Variants in SLU7 observed in about 807,000 individuals in gnomAD.
SLU7 encodes pre-mRNA-splicing factor SLU7.
In SLU7, 60 loss-of-function variants were observed where a neutral mutation model predicts 87.0. The observed-to-expected ratio is 0.69, with a 90% CI of 0.56 to 0.86. The LOEUF (loss-of-function observed/expected upper bound fraction) is 0.86, where lower values mean the gene tolerates loss of function less well. Ranked by LOEUF, SLU7 falls within the 40% of genes least tolerant of loss-of-function variation. SLU7 has a pLI of 0.00. For synonymous variants in SLU7, 197 were observed against 222.0 expected, an observed-to-expected ratio of 0.89 and a Z score of 1.00; for missense variants, 507 against 686.6, an observed-to-expected ratio of 0.74 and a Z score of 2.92.
intron 6 of SLU7, among the ~76,000 whole-genome samples, chr5:160,412,026 C>T (rs1765258682): frequency 6.6e-6 from 1 of 152,134 alleles, no homozygotes; most frequent in South Asian, 2.1e-4. Flanking sequence ...TTAATGAAGT[C>T]TTGAGAAATG....
intron 7 of SLU7, 41 bp from the exon 8 acceptor site, chr5:160,408,501 G>C: frequency 1.3e-6 from 2 of 1,569,892 alleles, no homozygotes; most frequent in South Asian, 2.4e-5. Flanking sequence ...AGAAAAGAAA[G>C]CAGCATGTAG....
In SLU7 at chr5:160,409,622, G is replaced by C. The variant is rs73316307; in HGVS notation, c.640-925C>G. On this transcript the variant is annotated intron_variant, in intron 6 of 15. Transcript: ENST00000297151. ...ATGTCAATTATATAAAGATGTATAA[G>C]AATGTGATGTGCAGTGTTGTATATG... Among the ~76,000 whole-genome samples the C allele has an allele frequency of 2.4e-3, 369 of 152,264 alleles. 3 individuals are homozygous for C. Among genetic ancestry groups the C allele is most frequent in the African/African-American group, 8.5e-3 (355 of 41,556 alleles).
chr5:160,414,394 T>G lies in SLU7; in HGVS notation c.249A>C (p.Lys83Asn). The change falls in exon 3 of 16, where the codon AAA becomes AAC. Residue 83 changes from lysine (K) to asparagine (N), a missense_variant. Physicochemically the swap from Lys to Asn is moderately conservative, Grantham distance 94 (BLOSUM62 0). Coordinates refer to ENST00000297151, the MANE Select transcript of SLU7 (RefSeq NM_006425.5). ...GTTTTTCTGGTTGTGGTCTCTGGTG[T>G]TTTAAAGTAGGTCTTTTTGAAGGAT... is the stretch of plus-strand genomic sequence containing the variant. ...YIDPSKRPTLKHQRPQPEKQK... is the reference protein window; with the variant it reads ...YIDPSKRPTLNHQRPQPEKQK... 1 of 1,612,202 alleles carries G rather than the reference T, an allele frequency of 6.2e-7. No individual in the cohort carries two copies. Among genetic ancestry groups the G allele is most frequent in the Admixed American group, 1.7e-5 (1 of 59,886 alleles).
chr5:160,412,187 C>A (rs946839276), intron 6 of SLU7, among the ~76,000 whole-genome samples: 5 of 152,030 alleles, frequency 3.3e-5, no homozygotes, highest in Non-Finnish European at 7.4e-5. Context: ...CTAGAAAATT[C>A]TTTAGGATGG....
Position 160,413,520 on chromosome 5 carries a change from C to G in SLU7, c.506G>C (p.Arg169Pro). The change falls in exon 5 of 16, where the codon CGG becomes CCG. Residue 169 changes from arginine (R) to proline (P), a missense_variant. Coordinates refer to ENST00000297151, the MANE Select transcript of SLU7 (RefSeq NM_006425.5). ...LMFDYDGKRD[R>P]WNGYNPEEHM... is the part of the protein sequence containing the mutation. ...TTCTTCTGGATTGTAGCCATTCCAC[C>G]GATCCCTCTTCCCATCATAGTCAAA... 6.2e-7 allele frequency: 1 copy of G among 1,613,952 alleles called. No individual in the cohort carries two copies. Among genetic ancestry groups the G allele is most frequent in the Non-Finnish European group, 8.5e-7 (1 of 1,179,892 alleles).
chr5:160,403,559 A>C, intron 15 of SLU7, 95 bp from the exon 16 acceptor site: 2 of 1,089,344 alleles, frequency 1.8e-6, no homozygotes, highest in East Asian at 5.3e-5. Context: ...CTGAATATGA[A>C]CTGCTCTATC....
rs1450298077 is a variant in SLU7, at chr5:160,413,615, A to G, written c.411T>C (p.Pro137=). Reference sequence around the variant, plus strand: ...CTGTAAATTTGGCTCCAACTCGCCTAGGTCTCTAAAAACAGAGTAAGATTT... The same window carrying G: ...CTGTAAATTTGGCTCCAACTCGCCTGGGTCTCTAAAAACAGAGTAAGATTT... The part of the protein sequence containing the change: ...THKKKDCFER[P]RRVGAKFTGT... Residue 137 remains proline (P), a synonymous_variant, in exon 5 of 16, where the codon CCT becomes CCC. Coordinates refer to ENST00000297151, the MANE Select transcript of SLU7 (RefSeq NM_006425.5). The G allele has an allele frequency of 1.9e-6, 3 of 1,609,190 alleles. No homozygotes were observed. The highest frequency in any genetic ancestry group is 1.7e-5 in the Admixed American group (1 of 58,714).
At chr5:160,406,347 A>C in intron 12 of SLU7, 121 bp downstream of exon 12, 1 of 751,316 alleles carries the variant, frequency 1.3e-6, no homozygotes, top group African/African-American at 2.1e-5. Flanking sequence ...AAACAGTTAA[A>C]ATTTTTTTTT....
rs760036952 is a variant in SLU7 at position 160,415,329 on chromosome 5, C to T, written c.-16-19G>A. 3 of 1,521,370 alleles carry T rather than the reference C, an allele frequency of 2.0e-6. No homozygotes were observed. Among genetic ancestry groups the T allele is most frequent in the Non-Finnish European group, 2.6e-6 (3 of 1,138,530 alleles). The allele number at this position is 1,521,370 out of a possible 1,614,324, so 94.2% of individuals were successfully genotyped here. A position where few individuals can be genotyped will look rare whatever the true frequency, so the allele number is the denominator to read the frequency against. ...GCCTCCTCTAGGAAAAGAAGTGAAACTTACAGTAAAAAGTAGGCCTTCATG... is the reference window on the plus strand; with the variant it reads ...GCCTCCTCTAGGAAAAGAAGTGAAATTTACAGTAAAAAGTAGGCCTTCATG... On this transcript the variant is annotated intron_variant, in intron 1 of 15. Coordinates refer to ENST00000297151, the MANE Select transcript of SLU7 (RefSeq NM_006425.5).
rs1369911708 is a variant in SLU7, at chr5:160,401,793, A to G, written c.*1492T>C. On this transcript the variant is annotated 3_prime_UTR_variant, in exon 16 of 16. Transcript: ENST00000297151. ...GTAAATAGGAATTAAATCTATTTGC[A>G]TTGCTGTTTAATTTCATACCAATCT... 1 of 152,232 alleles carries G rather than the reference A, an allele frequency of 6.6e-6. No individual in the cohort carries two copies. Among genetic ancestry groups the G allele is most frequent in the African/African-American group, 2.4e-5 (1 of 41,462 alleles). The allele number at this position is 152,232 out of a possible 1,614,324, so 9.4% of individuals were successfully genotyped here.
intron 6 of SLU7, among the ~76,000 whole-genome samples, chr5:160,411,754 T>C (rs1365683916): frequency 6.6e-6 from 1 of 152,158 alleles, no homozygotes; most frequent in Non-Finnish European, 1.5e-5. Context: ...ATGCATAATA[T>C]ATTTACTCTA....
chr5:160,414,398 A>C lies in SLU7; in HGVS notation c.245T>G (p.Leu82Ter). ...TTCTGGTTGTGGTCTCTGGTGTTTT[A>C]AAGTAGGTCTTTTTGAAGGATCAAT... ...WYIDPSKRPTLKHQRPQPEKQ... is the reference protein window; with the variant it reads ...WYIDPSKRPT The change falls in exon 3 of 16, where the codon TTA becomes TGA. Residue 82 changes from leucine (L) to a stop codon, truncating the protein, a stop_gained. Transcript: ENST00000297151. LOFTEE classifies it high-confidence loss of function. The C allele has an allele frequency of 1.2e-6, 2 of 1,612,046 alleles. No individual in the cohort carries two copies. Among genetic ancestry groups the C allele is most frequent in the Non-Finnish European group, 1.7e-6 (2 of 1,178,764 alleles).
chr5:160,408,133 T>C (rs557034412), intron 8 of SLU7, 65 bp from the exon 9 acceptor site: 10 of 1,240,832 alleles, frequency 8.1e-6, no homozygotes, highest in South Asian at 6.2e-5. Flanking sequence ...AGCAGACTAG[T>C]TGGAGGAGTT....
chr5:160,412,732 T>C (rs1765294493), intron 5 of SLU7, among the ~76,000 whole-genome samples: 1 of 152,094 alleles, frequency 6.6e-6, no homozygotes, highest in Non-Finnish European at 1.5e-5. Flanking sequence ...TACACAGTGT[T>C]TGAACCAGGC....
chr5:160,404,589 A>C (rs1692531691), intron 14 of SLU7, 33 bp from the exon 15 acceptor site: 1 of 1,411,414 alleles, frequency 7.1e-7, no homozygotes, highest in Non-Finnish European at 9.9e-7. Context: ...AGTGTTATTA[A>C]TGTGAAAACA....
chr5:160,411,022 C>T (rs530334066), intron 6 of SLU7, among the ~76,000 whole-genome samples: 394 of 151,998 alleles, frequency 2.6e-3, no homozygotes, highest in African/African-American at 9.1e-3. Context: ...CCCGCCACCG[C>T]GACTGGCTAA....
At chr5:160,411,129 G>T (rs1440115772) in intron 6 of SLU7, among the ~76,000 whole-genome samples, 1 of 152,166 alleles carries the variant, frequency 6.6e-6, no homozygotes, top group Admixed American at 6.5e-5. Context: ...GCCTCCCAAA[G>T]TGCTCGGATT....
rs746559494 is a variant in SLU7 at position 160,414,314 on chromosome 5, C to T, written c.324+5G>A. On this transcript the variant is annotated splice_donor_5th_base_variant and intron_variant, in intron 3 of 15. Coordinates refer to ENST00000297151, the MANE Select transcript of SLU7 (RefSeq NM_006425.5). Reference sequence around the variant, plus strand: ...CATGAAGATGTATACAGGTTGCCTACATACCTCTTTTACACCCCTCTTGTA... The same window carrying T: ...CATGAAGATGTATACAGGTTGCCTATATACCTCTTTTACACCCCTCTTGTA... The T allele has an allele frequency of 3.1e-6, 5 of 1,592,002 alleles. No individual in the cohort carries two copies. Among genetic ancestry groups the T allele is most frequent in the Admixed American group, 1.8e-5 (1 of 54,650 alleles).
chr5:160,413,136 G>A (rs1047015283), intron 5 of SLU7, among the ~76,000 whole-genome samples: 2 of 152,088 alleles, frequency 1.3e-5, no homozygotes, highest in African/African-American at 4.8e-5. Context: ...ATAGCTTGGG[G>A]CCATACATTT....
Sources: gnomAD v4.1 joint callset for allele counts (sites outside exome capture counted in the v4.1 genomes callset) on GRCh38, gnomAD v4.1.1 for gene constraint, MANE v1.5 for transcripts, NCBI Gene and HGNC (gene_info 2026-07-23, HGNC 2026-07-21) for gene names.